USP13: variants seen among roughly 807,000 people sequenced by gnomAD.
USP13 encodes ubiquitin carboxyl-terminal hydrolase 13.
USP13 carries 68 observed loss-of-function variants against 107.8 expected under a neutral mutation model. The observed-to-expected ratio is 0.63, with a 90% CI of 0.52 to 0.77. USP13 has a LOEUF of 0.77. Ranked by LOEUF, USP13 falls within the 30% of genes least tolerant of loss-of-function variation. The pLI is 0.00. For missense variants in USP13, 945 were observed against 1,093.3 expected (o/e 0.86, Z 1.91); for synonymous variants, 377 against 389.5 (o/e 0.97, Z 0.38).
Position 179,750,320 on chromosome 3 carries a change from A to ATATATG in USP13, c.1710-1964_1710-1963insATATGT, listed in dbSNP as rs1274046632. Among the ~76,000 whole-genome samples the ATATATG allele has an allele frequency of 8.9e-3, 365 of 40,792 alleles. 1 individual carries two copies. Among genetic ancestry groups the ATATATG allele is most frequent in the African/African-American group, 0.026 (348 of 13,358 alleles). The allele number at this position is 40,792 out of a possible 152,430, so 26.8% of individuals were successfully genotyped here. ...TATGTGTGTGTATATATATATATAT[A>ATATATG]TGTGTGTATATATATATATATATAT... On this transcript the variant is annotated intron_variant, in intron 13 of 20. Coordinates refer to ENST00000263966, the MANE Select transcript of USP13 (RefSeq NM_003940.3).
intron 1 of USP13, among the ~76,000 whole-genome samples, chr3:179,666,512 C>T (rs1448587036): frequency 6.6e-6 from 1 of 152,186 alleles, no homozygotes; most frequent in Non-Finnish European, 1.5e-5. Context: ...TCTCGGAGCC[C>T]AGCACTTTGG....
rs1244613461 is a variant in USP13, at chr3:179,784,875, C to T, written c.*734C>T. The T allele has an allele frequency of 2.0e-5, 3 of 152,148 alleles. No homozygotes were observed. The highest frequency in any genetic ancestry group is 4.4e-5 in the Non-Finnish European group (3 of 68,018). 9.4% of individuals were successfully genotyped at this position (152,148 alleles called of 1,614,324 possible). A position where few individuals can be genotyped will look rare whatever the true frequency, so the allele number is the denominator to read the frequency against. ...TGAAAAAAGCAAGTAAATATTTTAA[C>T]AAAACTATGACTCAGGAACCTTCGA... On this transcript the variant is annotated 3_prime_UTR_variant, in exon 21 of 21. Transcript: ENST00000263966.
chr3:179,728,005 G>A (rs1316166423), intron 8 of USP13, among the ~76,000 whole-genome samples: 1 of 59,554 alleles, frequency 1.7e-5, no homozygotes, highest in African/African-American at 5.1e-5. Context: ...CAGACGGGGC[G>A]GCTGGCCAGG....
chr3:179,696,351 A>T lies in USP13; in HGVS notation c.356-4657A>T, dbSNP rs1452295172. Among the ~76,000 whole-genome samples the T allele has an allele frequency of 2.4e-3, 212 of 88,262 alleles. 1 individual carries two copies. Among genetic ancestry groups the T allele is most frequent in the African/African-American group, 9.0e-3 (201 of 22,252 alleles). The allele number at this position is 88,262 out of a possible 152,430, so 57.9% of individuals were successfully genotyped here. On this transcript the variant is annotated intron_variant, in intron 3 of 20. Coordinates refer to ENST00000263966, the MANE Select transcript of USP13 (RefSeq NM_003940.3). ...GCATTTTTTTTTTTTTTTTTTTGAG[A>T]TGGAGTCTTGCTCTTGTTGCCCAGG...
At chr3:179,707,964 T>C (rs1049976104) in intron 5 of USP13, among the ~76,000 whole-genome samples, 1 of 152,240 alleles carries the variant, frequency 6.6e-6, no homozygotes, top group Non-Finnish European at 1.5e-5. Context: ...TGTAAGGTAC[T>C]TGGCATATAG....
chr3:179,700,166 A>T (rs1161150800), intron 3 of USP13, among the ~76,000 whole-genome samples: 1 of 152,122 alleles, frequency 6.6e-6, no homozygotes, highest in African/African-American at 2.4e-5. Flanking sequence ...ACCAGAGATG[A>T]ACCAAGCAAA....
intron 4 of USP13, among the ~76,000 whole-genome samples, chr3:179,704,395 A>G (rs1712639498): frequency 6.6e-6 from 1 of 152,192 alleles, no homozygotes; most frequent in South Asian, 2.1e-4. Flanking sequence ...GGAGGTTATA[A>G]TAGGTCACAC....
chr3:179,787,895 C>A lies in USP13; in HGVS notation c.*3754C>A, dbSNP rs547342426. On this transcript the variant is annotated 3_prime_UTR_variant, in exon 21 of 21. Transcript: ENST00000263966. ...ACGCATGAGCTACCGCGTCCAGCCC[C>A]ACTTTTTTTCTACTCTTGAAAAAAA... The A allele has an allele frequency of 6.6e-6, 1 of 152,278 alleles. No individual in the cohort carries two copies. Among genetic ancestry groups the A allele is most frequent in the Non-Finnish European group, 1.5e-5 (1 of 68,028 alleles). 9.4% of individuals were successfully genotyped at this position (152,278 alleles called of 1,614,324 possible). A position where few individuals can be genotyped will look rare whatever the true frequency, so the allele number is the denominator to read the frequency against.
chr3:179,688,439 C>G (rs1026052125), intron 2 of USP13, among the ~76,000 whole-genome samples: 1 of 152,224 alleles, frequency 6.6e-6, no homozygotes, highest in African/African-American at 2.4e-5. Context: ...TGGCTAGCTC[C>G]TTAAAAGATG....
intron 8 of USP13, among the ~76,000 whole-genome samples, chr3:179,729,511 ATC>A (rs1366700843): frequency 6.6e-6 from 1 of 152,096 alleles, no homozygotes; most frequent in African/African-American, 2.4e-5. Flanking sequence ...TTGCTCTGTC[ATC>A]CAGGCTGGAG....
intron 13 of USP13, among the ~76,000 whole-genome samples, chr3:179,749,485 C>G (rs1429693861): frequency 6.6e-6 from 1 of 152,108 alleles, no homozygotes; most frequent in Non-Finnish European, 1.5e-5. Flanking sequence ...TAATTTATAA[C>G]TGTGCTAGAT....
chr3:179,695,705 C>T (rs1440394928), intron 3 of USP13, among the ~76,000 whole-genome samples: 2 of 152,018 alleles, frequency 1.3e-5, no homozygotes, highest in Non-Finnish European at 2.9e-5. Flanking sequence ...TTTTTTTCCC[C>T]TCCCTTCCCT....
At chr3:179,753,337 C>T (rs1714677315) in intron 14 of USP13, among the ~76,000 whole-genome samples, 2 of 152,286 alleles carry the variant, frequency 1.3e-5, no homozygotes, top group Admixed American at 1.3e-4. Flanking sequence ...AGGAGATCCT[C>T]CCTTTTCCTG....
intron 10 of USP13, 44 bp downstream of exon 10, chr3:179,730,753 GAGCTT>G (rs1256788856): frequency 2.0e-5 from 32 of 1,577,936 alleles, no homozygotes; most frequent in Non-Finnish European, 2.8e-5. Context: ...AGGTAGGGAG[GAGCTT>G]TAGAATGTGG....
At chr3:179,656,220 A>AG (rs1720256436) in intron 1 of USP13, among the ~76,000 whole-genome samples, 2 of 152,270 alleles carry the variant, frequency 1.3e-5, no homozygotes, top group Non-Finnish European at 2.9e-5. Context: ...ATAAAAAGAT[A>AG]CATTTGGCAA....
intron 1 of USP13, among the ~76,000 whole-genome samples, chr3:179,672,977 C>T (rs528168984): frequency 9.2e-5 from 14 of 152,216 alleles, no homozygotes; most frequent in East Asian, 1.9e-4. Context: ...CAAGGTGGGA[C>T]GGTGGTGCAG....
chr3:179,763,094 C>T (rs566099878), intron 17 of USP13, among the ~76,000 whole-genome samples: 4 of 152,264 alleles, frequency 2.6e-5, no homozygotes, highest in African/African-American at 9.6e-5. Context: ...TTATTGAGTT[C>T]TAAGAGTTCT....
intron 19 of USP13, among the ~76,000 whole-genome samples, chr3:179,770,889 A>C (rs35519266): frequency 0.074 from 11,274 of 152,230 alleles, 470 homozygotes; most frequent in Non-Finnish European, 0.095. Context: ...TACAGGTGTG[A>C]GCCACTGCAC....
chr3:179,700,657 G>T (rs544919852), intron 3 of USP13, among the ~76,000 whole-genome samples: 4 of 151,992 alleles, frequency 2.6e-5, no homozygotes, highest in Non-Finnish European at 4.4e-5. Flanking sequence ...CTGACACATC[G>T]TAATTACCAA....
Sources: allele counts gnomAD v4.1 joint callset (sites outside exome capture counted in the v4.1 genomes callset), GRCh38; gene constraint gnomAD v4.1.1; transcripts MANE v1.5; gene names NCBI Gene and HGNC (gene_info 2026-07-23, HGNC 2026-07-21).